The following SLC25A33 variants were observed in gnomAD, a reference collection of about 807,000 sequenced individuals.
The protein encoded by SLC25A33 is solute carrier family 25 member 33, also known as bone marrow stromal cell mitochondrial carrier protein.
SLC25A33 carries 15 observed loss-of-function variants against 35.5 expected under a neutral mutation model. The observed-to-expected ratio is 0.42, with a 90% confidence interval of 0.28 to 0.65. SLC25A33 has a LOEUF of 0.65. Among genes scored for constraint, SLC25A33 ranks in the 30% least tolerant of loss-of-function variants. The probability of loss-of-function intolerance (pLI) is 0.20; values close to 1 mark genes in which losing one functional copy is unlikely to be tolerated. For missense variants in SLC25A33, 257 were observed against 398.5 expected, an observed-to-expected ratio of 0.64 and a Z score of 3.02; for synonymous variants, 136 against 148.7, an observed-to-expected ratio of 0.91 and a Z score of 0.62.
chr1:9,576,530 A>G, intron 5 of SLC25A33: 1 of 536,084 alleles, frequency 1.9e-6, no homozygotes, highest in Non-Finnish European at 3.7e-6. Flanking sequence ...GGAACCATGC[A>G]GAGGGACTTC....
chr1:9,570,418 G>C (rs534084022), intron 4 of SLC25A33, 60 bp downstream of exon 4: 1 of 1,403,772 alleles, frequency 7.1e-7, no homozygotes, highest in South Asian at 1.2e-5. Context: ...AGCATGCATT[G>C]TGCCAGTTTT....
chr1:9,565,173 T>C (rs1643483618), intron 2 of SLC25A33, among the ~76,000 whole-genome samples: 1 of 152,136 alleles, frequency 6.6e-6, no homozygotes, highest in Non-Finnish European at 1.5e-5. Context: ...TGGAGGTAGA[T>C]GGTGGTGATG....
rs1643718112 is a variant in SLC25A33 at position 9,580,052 on chromosome 1, A to G, written c.581A>G (p.Tyr194Cys). 1.9e-6 allele frequency: 3 copies of G among 1,612,932 alleles called. No homozygotes were observed. The highest frequency in any genetic ancestry group is 2.5e-6 in the Non-Finnish European group (3 of 1,179,272). Reference protein sequence around the residue: ...RGFYRGLTASYAGISETIICF... With the variant: ...RGFYRGLTASCAGISETIICF... ...TTCTATAGAGGATTAACTGCCTCGT[A>G]TGCTGGAATTTCCGAAACTATAATC... Residue 194 changes from tyrosine to cysteine, a missense_variant, in exon 6 of 7, where the codon TAT becomes TGT. Transcript: ENST00000302692.
chr1:9,575,213 A>T (rs1369049937), intron 5 of SLC25A33, among the ~76,000 whole-genome samples: 1 of 106,444 alleles, frequency 9.4e-6, no homozygotes, highest in Admixed American at 1.0e-4. Flanking sequence ...ACTCTGGCTC[A>T]AAAAAAAAAA....
chr1:9,581,947 T>C (rs1347073117), intron 6 of SLC25A33, among the ~76,000 whole-genome samples: 2 of 151,888 alleles, frequency 1.3e-5, no homozygotes, highest in Admixed American at 6.6e-5. Context: ...TGAGACAGAG[T>C]CTTGCTTGCT....
intron 3 of SLC25A33, 72 bp downstream of exon 3, chr1:9,567,433 G>A (rs534156437): frequency 2.2e-6 from 3 of 1,349,026 alleles, no homozygotes; most frequent in African/African-American, 2.9e-5. Context: ...ACCAAAGGGT[G>A]ATGCTGCTGA....
chr1:9,569,910 A>G (rs1028491073), intron 3 of SLC25A33, among the ~76,000 whole-genome samples: 2 of 152,170 alleles, frequency 1.3e-5, no homozygotes, highest in Non-Finnish European at 2.9e-5. Flanking sequence ...GGTCTATTCT[A>G]GAAACAAAAA....
At chr1:9,564,739 A>AAAATATATATATATACATATATAT (rs60174872) in intron 2 of SLC25A33, among the ~76,000 whole-genome samples, 1 of 96,584 alleles carries the variant, frequency 1.0e-5, no homozygotes, top group Non-Finnish European at 2.0e-5. Context: ...AAAAAAAAAA[A>AAAATATATATATATACATATATAT]ATATATATAT....
intron 2 of SLC25A33, among the ~76,000 whole-genome samples, chr1:9,563,219 C>T (rs375743504): frequency 9.2e-5 from 14 of 152,224 alleles, no homozygotes; most frequent in African/African-American, 2.6e-4. Flanking sequence ...CCACCGCGCC[C>T]GGCCGATTCT....
In SLC25A33 at chr1:9,539,896, G is replaced by A. The variant is rs1643050327; in HGVS notation, c.56+149G>A. The A allele has an allele frequency of 5.8e-6, 4 of 695,154 alleles. No individual in the cohort carries two copies. The Admixed American group carries it at 1.4e-4, about 24-fold the overall frequency. The allele number at this position is 695,154 out of a possible 1,614,324, so 43.1% of individuals were successfully genotyped here. ...GGGAGGAGGAAGTCCCGGCGTCGGG[G>A]ACTGGTGGGCAGGGCCGAGGGAGGG... On this transcript the variant is annotated intron_variant, in intron 1 of 6. Coordinates refer to ENST00000302692, the MANE Select transcript of SLC25A33 (RefSeq NM_032315.3).
chr1:9,564,689 C>G (rs1420230697), intron 2 of SLC25A33, among the ~76,000 whole-genome samples: 49 of 143,402 alleles, frequency 3.4e-4, no homozygotes, highest in African/African-American at 1.2e-3. Flanking sequence ...AAGTTCGAGA[C>G]CAGCCTGGCC....
At chr1:9,559,564 C>G (rs1220322005) in intron 2 of SLC25A33, among the ~76,000 whole-genome samples, 3 of 151,110 alleles carry the variant, frequency 2.0e-5, no homozygotes, top group African/African-American at 7.3e-5. Context: ...GGGGGAATAT[C>G]CTATTACATA....
intron 2 of SLC25A33, among the ~76,000 whole-genome samples, chr1:9,559,811 C>G (rs949685219): frequency 6.6e-6 from 1 of 152,100 alleles, no homozygotes; most frequent in Non-Finnish European, 1.5e-5. Context: ...ATTAACCATC[C>G]CTAAGCTAAC....
intron 2 of SLC25A33, among the ~76,000 whole-genome samples, chr1:9,557,075 A>G (rs1225635633): frequency 6.6e-6 from 1 of 152,164 alleles, no homozygotes; most frequent in African/African-American, 2.4e-5. Flanking sequence ...CTGGGATTAC[A>G]GGAATGTGCT....
At chr1:9,562,009 T>C (rs888022545) in intron 2 of SLC25A33, among the ~76,000 whole-genome samples, 4 of 144,736 alleles carry the variant, frequency 2.8e-5, no homozygotes, top group African/African-American at 5.2e-5. Context: ...GCCGAGATCA[T>C]GCCACTGCAC....
intron 1 of SLC25A33, among the ~76,000 whole-genome samples, chr1:9,552,446 G>A (rs1303180078): frequency 1.3e-5 from 2 of 151,832 alleles, no homozygotes; most frequent in Admixed American, 6.6e-5. Flanking sequence ...TGGCCAGGCT[G>A]GTCTCGAACT....
chr1:9,580,712 T>G (rs968307189), intron 6 of SLC25A33, among the ~76,000 whole-genome samples: 2 of 151,448 alleles, frequency 1.3e-5, no homozygotes, highest in African/African-American at 4.9e-5. Flanking sequence ...AAAAATTAGC[T>G]GGGCGTGGTG....
chr1:9,550,012 T>TATA (rs55887722), intron 1 of SLC25A33, among the ~76,000 whole-genome samples: 674 of 33,460 alleles, frequency 0.02, 28 homozygotes, highest in African/African-American at 0.035. Context: ...TATATATATA[T>TATA]TTTTTTTTTT....
intron 3 of SLC25A33, among the ~76,000 whole-genome samples, chr1:9,568,122 A>C (rs947148733): frequency 1.3e-5 from 2 of 152,186 alleles, no homozygotes; most frequent in African/African-American, 4.8e-5. Context: ...ACAGATAGAG[A>C]ATAGCATATC....
Sources: gnomAD v4.1 joint callset for allele counts (sites outside exome capture counted in the v4.1 genomes callset) on GRCh38, gnomAD v4.1.1 for gene constraint, MANE v1.5 for transcripts, NCBI Gene and HGNC (gene_info 2026-07-23, HGNC 2026-07-21) for gene names.